CDH13: variants seen among roughly 807,000 people sequenced by gnomAD.
CDH13 encodes the protein cadherin 13.
Under a neutral mutation model 63.8 loss-of-function variants are expected in CDH13, and 24 were observed. The ratio of observed to expected loss-of-function variants is 0.38; its 90% CI spans 0.27 to 0.53. CDH13 has a LOEUF of 0.53. Ranked by LOEUF, CDH13 falls within the 20% of genes least tolerant of loss-of-function variation. The pLI is 0.85. For synonymous variants in CDH13, 503 were observed against 355.3 expected, an observed-to-expected ratio of 1.42 and a Z score of -4.67; for missense variants, 1,049 against 903.1, an observed-to-expected ratio of 1.16 and a Z score of -2.07.
chr16:83,061,144 A>G (rs1301102558), intron 3 of CDH13, among the ~76,000 whole-genome samples: 2 of 152,212 alleles, frequency 1.3e-5, no homozygotes, highest in African/African-American at 4.8e-5. Context: ...CCAAAGTTGC[A>G]CAGCACAGTG....
intron 2 of CDH13, among the ~76,000 whole-genome samples, chr16:82,922,443 C>T (rs532625289): frequency 5.2e-4 from 79 of 152,242 alleles, no homozygotes; most frequent in African/African-American, 1.8e-3. Context: ...ATAGAAGTTT[C>T]GAAGAAGCAA....
chr16:83,201,847 AGAGCTTCCAGT>A (rs1485086972), intron 4 of CDH13, among the ~76,000 whole-genome samples: 3 of 152,114 alleles, frequency 2.0e-5, no homozygotes, highest in African/African-American at 7.2e-5. Context: ...CCCGGAAGGC[AGAGCTTCCAGT>A]GAGCTGAGAT....
intron 2 of CDH13, among the ~76,000 whole-genome samples, chr16:82,896,559 G>A (rs1276582191): frequency 6.6e-6 from 1 of 151,716 alleles, no homozygotes; most frequent in Non-Finnish European, 1.5e-5. Context: ...GCCTTCCAAA[G>A]AGATGGGATT....
chr16:83,206,521 C>G (rs955553655), intron 4 of CDH13, among the ~76,000 whole-genome samples: 1 of 152,232 alleles, frequency 6.6e-6, no homozygotes, highest in Non-Finnish European at 1.5e-5. Flanking sequence ...ATGCACCCGA[C>G]AGTTTTGTCC....
chr16:82,890,549 TG>T (rs1366102040), intron 2 of CDH13, among the ~76,000 whole-genome samples: 1 of 152,160 alleles, frequency 6.6e-6, no homozygotes, highest in Non-Finnish European at 1.5e-5. Flanking sequence ...GTAAATTAAA[TG>T]GCAGTCTTAG....
chr16:83,347,689 T>A (rs2090868684), intron 6 of CDH13, among the ~76,000 whole-genome samples: 1 of 152,220 alleles, frequency 6.6e-6, no homozygotes, highest in Non-Finnish European at 1.5e-5. Context: ...CAAAGTTACC[T>A]GGCTGGGGAA....
intron 1 of CDH13, among the ~76,000 whole-genome samples, chr16:82,672,812 C>G (rs973405825): frequency 3.4e-4 from 52 of 151,334 alleles, no homozygotes; most frequent in Non-Finnish European, 6.6e-4. Context: ...TACACACACA[C>G]ACACAAAATA....
chr16:82,822,496 G>T (rs1459579695), intron 1 of CDH13, among the ~76,000 whole-genome samples: 1 of 152,120 alleles, frequency 6.6e-6, no homozygotes, highest in Non-Finnish European at 1.5e-5. Context: ...TACTGTTCCA[G>T]TTATCTTTTT....
intron 5 of CDH13, among the ~76,000 whole-genome samples, chr16:83,255,894 C>T (rs958149332): frequency 2.0e-5 from 3 of 152,086 alleles, no homozygotes; most frequent in African/African-American, 7.2e-5. Flanking sequence ...AAATACCTAG[C>T]ACTAAGCTTG....
chr16:82,954,895 T>A (rs914796221), intron 2 of CDH13: 1 of 152,192 alleles, frequency 6.6e-6, no homozygotes. Flanking sequence ...TATCTGATCT[T>A]TTGTGCCTGC....
rs564105396 is a variant in CDH13 at position 82,627,833 on chromosome 16, C to G, written c.45+696C>G. ...CGCCAGGGCGCAGGCCCCAGCCCCC[C>G]GCACCCCTATTGTCCAGCCAGCTGG... On this transcript the variant is annotated intron_variant, in intron 1 of 13. Coordinates refer to ENST00000567109, the MANE Select transcript of CDH13 (RefSeq NM_001257.5). 1.1e-4 allele frequency among the ~76,000 whole-genome samples: 17 copies of G among 152,360 alleles called. No homozygotes were observed. The South Asian group carries it at 2.3e-3, about 20-fold the overall frequency.
intron 2 of CDH13, among the ~76,000 whole-genome samples, chr16:82,886,208 G>A (rs1246449619): frequency 2.6e-5 from 4 of 151,976 alleles, no homozygotes; most frequent in African/African-American, 9.7e-5. Context: ...TCAAATTTCT[G>A]TTGTTATTAA....
At chr16:82,720,510 AC>A (rs2032700984) in intron 1 of CDH13, among the ~76,000 whole-genome samples, 2 of 152,088 alleles carry the variant, frequency 1.3e-5, no homozygotes, top group Non-Finnish European at 2.9e-5. Flanking sequence ...GCACACTTAC[AC>A]CCACGCTCAC....
At chr16:82,985,939 C>T (rs554719723) in intron 2 of CDH13, among the ~76,000 whole-genome samples, 34 of 152,200 alleles carry the variant, frequency 2.2e-4, no homozygotes, top group African/African-American at 7.9e-4. Context: ...TCACCTTCCA[C>T]CATGACTGGA....
At chr16:83,017,810 C>T (rs1249544643) in intron 2 of CDH13, among the ~76,000 whole-genome samples, 2 of 152,182 alleles carry the variant, frequency 1.3e-5, no homozygotes, top group African/African-American at 2.4e-5. Flanking sequence ...ATGCCACAGC[C>T]ATTTATACCA....
Position 82,763,364 on chromosome 16 carries a change from C to T in CDH13, c.46-94998C>T, listed in dbSNP as rs368973304. On this transcript the variant is annotated intron_variant, in intron 1 of 13. Transcript: ENST00000567109. ...TAAGTTGCTTATTTTCCACCTCCTC[C>T]TCTGGAATACATGCTCTGTGAATAC... 1.1e-4 allele frequency among the ~76,000 whole-genome samples: 17 copies of T among 152,290 alleles called. No individual in the cohort carries two copies. In the South Asian group the frequency reaches 3.3e-3, roughly 30 times the overall value.
intron 2 of CDH13, among the ~76,000 whole-genome samples, chr16:82,952,951 G>C (rs1905508319): frequency 6.6e-6 from 1 of 152,198 alleles, no homozygotes; most frequent in African/African-American, 2.4e-5. Context: ...GTATAGAAGG[G>C]AGAGTAAATT....
At chr16:83,245,782 T>A (rs12716967) in intron 5 of CDH13, among the ~76,000 whole-genome samples, 22,269 of 152,146 alleles carry the variant, frequency 0.15, 1,673 homozygotes, top group Middle Eastern at 0.2. Context: ...TCACCCTGTC[T>A]CCCAGGCTGG....
At chr16:82,777,670 G>A (rs1193485255) in intron 1 of CDH13, among the ~76,000 whole-genome samples, 2 of 152,306 alleles carry the variant, frequency 1.3e-5, no homozygotes, top group South Asian at 4.1e-4. Flanking sequence ...GTGCAGCTTA[G>A]CTGGGTCTTT....
Sources: gnomAD v4.1 joint callset for allele counts (sites outside exome capture counted in the v4.1 genomes callset) on GRCh38, gnomAD v4.1.1 for gene constraint, MANE v1.5 for transcripts, NCBI Gene and HGNC (gene_info 2026-07-23, HGNC 2026-07-21) for gene names.